MYO16: variants seen among roughly 807,000 people sequenced by gnomAD.
The protein encoded by MYO16 is unconventional myosin-XVI.
MYO16 carries 94 observed loss-of-function variants against 205.3 expected under a neutral mutation model. The observed-to-expected ratio is 0.46, with a 90% CI of 0.39 to 0.54. The LOEUF (loss-of-function observed/expected upper bound fraction) is 0.54. Among genes scored for constraint, MYO16 ranks in the 20% least tolerant of loss-of-function variants. MYO16 has a pLI of 0.00. For missense variants in MYO16, 2,315 were observed against 2,387.5 expected (o/e 0.97, Z 0.63); for synonymous variants, 988 against 954.0 (o/e 1.04, Z -0.66).
chr13:108,502,083 C>T, the MYO16 span, among the ~76,000 whole-genome samples: 4 of 152,104 alleles, frequency 2.6e-5, no homozygotes, highest in African/African-American at 9.6e-5. Flanking sequence ...TGTGGTGGCA[C>T]GTGTCTGTAG....
At chr13:109,176,577 TAAAAAAAAAA>T (rs36054088) in intron 33 of MYO16, among the ~76,000 whole-genome samples, 1 of 44,942 alleles carries the variant, frequency 2.2e-5, no homozygotes, top group Non-Finnish European at 3.8e-5. Context: ...ATTGTGCTGG[TAAAAAAAAAA>T]AAAAAAAAAA....
chr13:109,036,338 G>A (rs1886716243), intron 23 of MYO16, among the ~76,000 whole-genome samples: 1 of 152,156 alleles, frequency 6.6e-6, no homozygotes. Context: ...TTGGCACTTT[G>A]TAACTTTTGT....
intron 2 of MYO16, among the ~76,000 whole-genome samples, chr13:108,704,438 C>T (rs1475478848): frequency 1.3e-5 from 2 of 152,136 alleles, no homozygotes; most frequent in Non-Finnish European, 2.9e-5. Context: ...CAACATGGCA[C>T]ATGTATACCT....
chr13:109,021,410 G>T (rs951334383), intron 23 of MYO16, among the ~76,000 whole-genome samples: 6 of 152,110 alleles, frequency 3.9e-5, no homozygotes, highest in Admixed American at 3.9e-4. Flanking sequence ...AGGAGTGAGG[G>T]ACTAGACCTG....
chr13:108,936,163 C>CTCTCTT (rs1882483466), intron 16 of MYO16, among the ~76,000 whole-genome samples: 1 of 148,608 alleles, frequency 6.7e-6, no homozygotes, highest in African/African-American at 2.5e-5. Flanking sequence ...CTTCCTTTCT[C>CTCTCTT]TCTCTTTCTC....
the MYO16 span, among the ~76,000 whole-genome samples, chr13:108,553,732 T>C: frequency 0.054 from 8,291 of 152,258 alleles, 713 homozygotes; most frequent in African/African-American, 0.18. Context: ...TATTCTGGTG[T>C]CACTTCAAGA....
chr13:108,906,621 G>A (rs1321520921), intron 15 of MYO16, among the ~76,000 whole-genome samples: 1 of 152,150 alleles, frequency 6.6e-6, no homozygotes, highest in Non-Finnish European at 1.5e-5. Flanking sequence ...CAAACAGCCT[G>A]GGCTTAGGAG....
chr13:108,628,716 C>T (rs1339107495), upstream of MYO16, among the ~76,000 whole-genome samples: 1 of 152,146 alleles, frequency 6.6e-6, no homozygotes, highest in African/African-American at 2.4e-5. Flanking sequence ...AAAAGCACTG[C>T]TCTTTGAGTT....
chr13:108,557,759 A>T, the MYO16 span, among the ~76,000 whole-genome samples: 3 of 152,200 alleles, frequency 2.0e-5, no homozygotes, highest in Admixed American at 6.5e-5. Flanking sequence ...TATTTAGTTC[A>T]AAAGAAAGAA....
upstream of MYO16, among the ~76,000 whole-genome samples, chr13:108,591,710 CTT>C (rs897456607): frequency 4.6e-5 from 7 of 152,112 alleles, no homozygotes; most frequent in Non-Finnish European, 8.8e-5. Flanking sequence ...TGTTTTCTCT[CTT>C]TTCTTCCTTG....
At chr13:109,163,609 C>T (rs1042577596) in intron 32 of MYO16, among the ~76,000 whole-genome samples, 2 of 151,240 alleles carry the variant, frequency 1.3e-5, no homozygotes, top group South Asian at 2.1e-4. Flanking sequence ...TGTCTCCTTC[C>T]TACCTTCTTT....
At position 109,055,246 on chromosome 13, in the gene MYO16, T is replaced by TACACACACACAC. The variant is rs10557146; in HGVS notation, c.3130-126_3130-115dup. ...AATATCTTCACAAAAAAAGTAAACATACACACACACACACACACACACACA... is the reference window on the plus strand; with the variant it reads ...AATATCTTCACAAAAAAAGTAAACATACACACACACACACACACACACACACACACACACACA... On this transcript the variant is annotated intron_variant, in intron 26 of 34. Coordinates refer to ENST00000457511, the MANE Select transcript of MYO16 (RefSeq NM_001198950.3). This position sits in a 1 kb window ranked among gnomAD's most constrained non-coding sequence, Gnocchi z 5.0. 6 of 658,582 alleles carry TACACACACACAC rather than the reference T, an allele frequency of 9.1e-6. No individual in the cohort carries two copies. Among genetic ancestry groups the TACACACACACAC allele is most frequent in the East Asian group, 6.0e-5 (2 of 33,222 alleles). 40.8% of individuals were successfully genotyped at this position (658,582 alleles called of 1,614,324 possible).
At chr13:109,084,983 G>A (rs1371970384) in intron 27 of MYO16, among the ~76,000 whole-genome samples, 1 of 152,178 alleles carries the variant, frequency 6.6e-6, no homozygotes, top group African/African-American at 2.4e-5. Flanking sequence ...AGCTGACATG[G>A]AGTTGAGTCT....
intron 19 of MYO16, 60 bp from the exon 20 acceptor site, chr13:108,964,701 G>C (rs1259607867): frequency 4.5e-6 from 7 of 1,567,150 alleles, no homozygotes; most frequent in Non-Finnish European, 6.1e-6. Flanking sequence ...TGGAGTTTTG[G>C]TTGGCTTCTA....
chr13:108,836,901 T>C (rs1876953067), intron 9 of MYO16, among the ~76,000 whole-genome samples: 1 of 152,212 alleles, frequency 6.6e-6, no homozygotes, highest in Admixed American at 6.5e-5. Flanking sequence ...GGACTTACCT[T>C]GACTCAGATG....
chr13:108,732,145 T>C (rs747046699), intron 4 of MYO16, among the ~76,000 whole-genome samples: 10 of 152,206 alleles, frequency 6.6e-5, no homozygotes, highest in Non-Finnish European at 1.5e-4. Flanking sequence ...TATTGTCCAA[T>C]GTGGAAGACT....
At chr13:108,972,247 C>CTATATA (rs1249747098) in intron 20 of MYO16, among the ~76,000 whole-genome samples, 6 of 6,056 alleles carry the variant, frequency 9.9e-4, no homozygotes, top group African/African-American at 1.1e-3. Flanking sequence ...CTCTCTCTCT[C>CTATATA]TCTATATATA....
chr13:108,827,840 A>G (rs1358956472), intron 9 of MYO16, among the ~76,000 whole-genome samples: 6 of 152,148 alleles, frequency 3.9e-5, no homozygotes, highest in Admixed American at 1.3e-4. Flanking sequence ...GCGTCTGAGC[A>G]TGGACGTGCT....
At chr13:109,094,427 T>C (rs1238200666) in intron 27 of MYO16, among the ~76,000 whole-genome samples, 1 of 152,012 alleles carries the variant, frequency 6.6e-6, no homozygotes, top group Admixed American at 6.6e-5. Context: ...CTCAGATTGG[T>C]CTCATACTCT....
Sources: allele counts gnomAD v4.1 joint callset (sites outside exome capture counted in the v4.1 genomes callset), GRCh38; gene constraint gnomAD v4.1.1; non-coding constraint Gnocchi (gnomAD v3.1); transcripts MANE v1.5; gene names NCBI Gene and HGNC (gene_info 2026-07-23, HGNC 2026-07-21).